The following HS6ST3 variants were observed in gnomAD, a reference collection of about 807,000 sequenced individuals.
HS6ST3 encodes the protein heparan-sulfate 6-O-sulfotransferase 3.
HS6ST3 carries 12 observed loss-of-function variants against 36.7 expected under a neutral mutation model. That is an observed-to-expected ratio of 0.33 (90% CI 0.21 to 0.53). The LOEUF (loss-of-function observed/expected upper bound fraction) is 0.53, where lower values mean the gene tolerates loss of function less well. Ranked by LOEUF, HS6ST3 falls within the 20% of genes least tolerant of loss-of-function variation. The pLI, the probability that HS6ST3 is intolerant of heterozygous loss-of-function variation, is 0.95. For synonymous variants in HS6ST3, 240 were observed against 257.5 expected, an observed-to-expected ratio of 0.93 and a Z score of 0.65; for missense variants, 584 against 640.9, an observed-to-expected ratio of 0.91 and a Z score of 0.96.
At chr13:96,368,786 AAGTT>A (rs2055275760) in intron 1 of HS6ST3, among the ~76,000 whole-genome samples, 2 of 152,172 alleles carry the variant, frequency 1.3e-5, no homozygotes, top group African/African-American at 2.4e-5. Context: ...CAACTGGAGT[AAGTT>A]AGTTATGATA....
intron 1 of HS6ST3, among the ~76,000 whole-genome samples, chr13:96,519,050 A>G (rs1007705060): frequency 1.3e-5 from 2 of 152,176 alleles, no homozygotes; most frequent in Non-Finnish European, 1.5e-5. Flanking sequence ...TATTTTACCA[A>G]TTTTTATTGG....
At position 96,441,289 on chromosome 13, in the gene HS6ST3, T is replaced by G. The variant is rs372157227; in HGVS notation, c.707+349720T>G. On this transcript the variant is annotated intron_variant, in intron 1 of 1. Transcript: ENST00000376705. Reference sequence around the variant, plus strand: ...AAGACTTGAAAAAATTTGAATATACTTTTTTTTTTTTGATGAGTAGGGGAC... The same window carrying G: ...AAGACTTGAAAAAATTTGAATATACGTTTTTTTTTTTGATGAGTAGGGGAC... 2.1e-5 allele frequency among the ~76,000 whole-genome samples: 3 copies of G among 144,394 alleles called. No individual in the cohort carries two copies. The East Asian group carries it at 6.0e-4, about 29-fold the overall frequency. The allele number at this position is 144,394 out of a possible 152,430, so 94.7% of individuals were successfully genotyped here. A position where few individuals can be genotyped will look rare whatever the true frequency, so the allele number is the denominator to read the frequency against.
chr13:96,141,322 G>A (rs1226170241), intron 1 of HS6ST3, among the ~76,000 whole-genome samples: 1 of 151,988 alleles, frequency 6.6e-6, no homozygotes, highest in African/African-American at 2.4e-5. Flanking sequence ...CCTAAAGTCA[G>A]AAAGTATCTT....
At chr13:96,648,668 C>T (rs1247340436) in intron 1 of HS6ST3, among the ~76,000 whole-genome samples, 1 of 151,892 alleles carries the variant, frequency 6.6e-6, no homozygotes, top group Non-Finnish European at 1.5e-5. Flanking sequence ...GCCCCCACAA[C>T]AGGCCCCAGT....
intron 1 of HS6ST3, among the ~76,000 whole-genome samples, chr13:96,822,151 C>T (rs745390683): frequency 5.3e-5 from 8 of 152,128 alleles, no homozygotes; most frequent in Non-Finnish European, 1.2e-4. Context: ...TCTGCTTTGC[C>T]CGGCTGGGAT....
chr13:96,197,157 G>T (rs1333422568), intron 1 of HS6ST3, among the ~76,000 whole-genome samples: 1 of 152,200 alleles, frequency 6.6e-6, no homozygotes, highest in Non-Finnish European at 1.5e-5. Flanking sequence ...TTTTCATGCT[G>T]CTGATAAAGA....
At chr13:96,311,391 CTT>C in intron 1 of HS6ST3, among the ~76,000 whole-genome samples, 1 of 152,232 alleles carries the variant, frequency 6.6e-6, no homozygotes, top group East Asian at 1.9e-4. Flanking sequence ...GAAATTTAAA[CTT>C]TGGCAATTGG....
In HS6ST3 at chr13:96,378,555, T is replaced by G. The variant is rs534671071; in HGVS notation, c.707+286986T>G. On this transcript the variant is annotated intron_variant, in intron 1 of 1. Transcript: ENST00000376705. ...CTGAATCTTCCTAGTGTTTTTACTTTTATGTTCATTTATTTCTTCATTTTC... is the reference window on the plus strand; with the variant it reads ...CTGAATCTTCCTAGTGTTTTTACTTGTATGTTCATTTATTTCTTCATTTTC... 2.6e-5 allele frequency among the ~76,000 whole-genome samples: 4 copies of G among 152,330 alleles called. No individual in the cohort carries two copies. The East Asian group carries it at 7.7e-4, about 29-fold the overall frequency.
At chr13:96,823,156 C>A (rs974081468) in intron 1 of HS6ST3, among the ~76,000 whole-genome samples, 1 of 152,186 alleles carries the variant, frequency 6.6e-6, no homozygotes, top group Non-Finnish European at 1.5e-5. Context: ...ATAGTCAAGT[C>A]CTCTCTGGCT....
At chr13:96,240,362 C>T (rs1032928532) in intron 1 of HS6ST3, among the ~76,000 whole-genome samples, 4 of 151,988 alleles carry the variant, frequency 2.6e-5, no homozygotes, top group African/African-American at 9.7e-5. Context: ...CAAAGGGTAC[C>T]AAGTTTCAGT....
intron 1 of HS6ST3, among the ~76,000 whole-genome samples, chr13:96,686,931 A>G (rs1337694281): frequency 1.3e-5 from 2 of 152,068 alleles, no homozygotes; most frequent in Admixed American, 6.6e-5. Context: ...ATAATCAGGT[A>G]TATTAAAATG....
intron 1 of HS6ST3, among the ~76,000 whole-genome samples, chr13:96,777,094 A>G (rs1386786662): frequency 6.6e-6 from 1 of 152,186 alleles, no homozygotes; most frequent in Non-Finnish European, 1.5e-5. Context: ...CAAAAACCAC[A>G]TGATTATCTC....
At chr13:96,208,878 T>A (rs930841703) in intron 1 of HS6ST3, among the ~76,000 whole-genome samples, 4 of 152,224 alleles carry the variant, frequency 2.6e-5, no homozygotes, top group Non-Finnish European at 4.4e-5. Flanking sequence ...AGGCAGATTT[T>A]TCCCATGTAT....
In HS6ST3 at chr13:96,106,671, G is replaced by A. The variant is rs72638019; in HGVS notation, c.707+15102G>A. 4.3e-3 allele frequency among the ~76,000 whole-genome samples: 654 copies of A among 152,318 alleles called. 1 individual carries two copies. The highest frequency in any genetic ancestry group is 0.014 in the Middle Eastern group (4 of 294). On this transcript the variant is annotated intron_variant, in intron 1 of 1. Transcript: ENST00000376705. The stretch of plus-strand genomic sequence containing the variant: ...CCTTTTTAACCAAAATGAAGGCAGC[G>A]TATTTGAGTACAGATACAGGATGGT...
At chr13:96,248,435 A>G (rs565053866) in intron 1 of HS6ST3, among the ~76,000 whole-genome samples, 27 of 152,152 alleles carry the variant, frequency 1.8e-4, no homozygotes, top group Non-Finnish European at 3.7e-4. Flanking sequence ...TATCTCTTAC[A>G]TATTATGTTG....
At position 96,200,212 on chromosome 13, in the gene HS6ST3, C is replaced by G. The variant is rs139132324; in HGVS notation, c.707+108643C>G. ...GCTTAACCATTGGAATTCTAATAGTCAACTCTGCAATGGCTGCCCATTTCA... is the reference window on the plus strand; with the variant it reads ...GCTTAACCATTGGAATTCTAATAGTGAACTCTGCAATGGCTGCCCATTTCA... On this transcript the variant is annotated intron_variant, in intron 1 of 1. Coordinates refer to ENST00000376705, the MANE Select transcript of HS6ST3 (RefSeq NM_153456.4). 8.4e-3 allele frequency among the ~76,000 whole-genome samples: 1,286 copies of G among 152,290 alleles called. 15 individuals carry two copies. Among genetic ancestry groups the G allele is most frequent in the African/African-American group, 0.03 (1,234 of 41,548 alleles).
chr13:96,513,891 A>C (rs1232103617), intron 1 of HS6ST3, among the ~76,000 whole-genome samples: 1 of 151,852 alleles, frequency 6.6e-6, no homozygotes, highest in Admixed American at 6.6e-5. Context: ...ATTGAAGGAA[A>C]GTTTCCAAGC....
chr13:96,319,896 G>A (rs1189567032), intron 1 of HS6ST3, among the ~76,000 whole-genome samples: 1 of 152,084 alleles, frequency 6.6e-6, no homozygotes, highest in East Asian at 1.9e-4. Flanking sequence ...TGAATACTGG[G>A]AAAACAAGAT....
At chr13:96,433,995 T>G (rs1413509502) in intron 1 of HS6ST3, among the ~76,000 whole-genome samples, 1 of 152,122 alleles carries the variant, frequency 6.6e-6, no homozygotes, top group African/African-American at 2.4e-5. Context: ...GGGTATGTCT[T>G]TATGCAGCAT....
Sources: allele counts gnomAD v4.1 joint callset (sites outside exome capture counted in the v4.1 genomes callset), GRCh38; gene constraint gnomAD v4.1.1; transcripts MANE v1.5; gene names NCBI Gene and HGNC (gene_info 2026-07-23, HGNC 2026-07-21).